FGF13: variants seen among roughly 807,000 people sequenced by gnomAD.
FGF13 encodes fibroblast growth factor 13, also known as fibroblast growth factor homologous factor 2.
Under a neutral mutation model 19.5 loss-of-function variants are expected in FGF13, and 2 were observed. That is an observed-to-expected ratio of 0.10 (90% CI 0.04 to 0.32). The LOEUF (loss-of-function observed/expected upper bound fraction) is 0.32. Ranked by LOEUF, FGF13 falls within the 10% of genes least tolerant of loss-of-function variation. The probability of loss-of-function intolerance (pLI) is 1.00; values close to 1 mark genes in which losing one functional copy is unlikely to be tolerated. For synonymous variants in FGF13, 72 were observed against 76.9 expected, an observed-to-expected ratio of 0.94 and a Z score of 0.33; for missense variants, 113 against 192.7, an observed-to-expected ratio of 0.59 and a Z score of 2.45.
chrX:138,899,216 A>C (rs2091519403), intron 1 of FGF13, among the ~76,000 whole-genome samples: 1 of 111,695 alleles, frequency 9.0e-6, no homozygotes, highest in African/African-American at 3.3e-5. Context: ...GTTGGGTTAT[A>C]AGAACATGTA....
intron 1 of FGF13, among the ~76,000 whole-genome samples, chrX:139,155,742 T>C (rs1489807178): frequency 8.9e-6 from 1 of 111,907 alleles, no homozygotes; most frequent in African/African-American, 3.3e-5. Context: ...AGATGCCTAG[T>C]GAACTGACGG....
At chrX:139,138,926 CTTTTTT>C (rs758384021) in intron 1 of FGF13, among the ~76,000 whole-genome samples, 1 of 85,553 alleles carries the variant, frequency 1.2e-5, no homozygotes, top group African/African-American at 4.5e-5. Context: ...TGTTATTTAT[CTTTTTT>C]TTTTTTTTTT....
At chrX:138,913,961 G>A (rs902567110) in intron 1 of FGF13, among the ~76,000 whole-genome samples, 1 of 109,948 alleles carries the variant, frequency 9.1e-6, no homozygotes, top group Non-Finnish European at 1.9e-5. Flanking sequence ...GCTTGAACCA[G>A]GTGAGCTAAT....
chrX:138,657,511 G>C (rs1205170337), intron 3 of FGF13, among the ~76,000 whole-genome samples: 1 of 112,087 alleles, frequency 8.9e-6, no homozygotes, highest in Non-Finnish European at 1.9e-5. Flanking sequence ...CAAGCCACAT[G>C]GGTATGCATA....
chrX:138,714,561 C>T (rs1160458018), upstream of FGF13, among the ~76,000 whole-genome samples: 1 of 111,320 alleles, frequency 9.0e-6, no homozygotes, highest in Non-Finnish European at 1.9e-5. Flanking sequence ...ATGAGAATCG[C>T]TTGAACCCGG....
chrX:138,711,101 C>T lies in FGF13; in HGVS notation c.-98G>A, dbSNP rs1384924880. The T allele has an allele frequency of 6.1e-6, 7 of 1,154,039 alleles. No individual in the cohort carries two copies. Among genetic ancestry groups the T allele is most frequent in the Non-Finnish European group, 8.0e-6 (7 of 871,627 alleles). On this transcript the variant is annotated 5_prime_UTR_variant, in exon 1 of 5. Coordinates refer to ENST00000315930, the MANE Select transcript of FGF13 (RefSeq NM_004114.5). ...CTGCTTGTCCGCTGTCTCGCGACTT[C>T]GCCGCTTTGGTCTCCTTAGCCTGCG... is the stretch of plus-strand genomic sequence containing the variant.
intron 3 of FGF13, among the ~76,000 whole-genome samples, chrX:138,756,324 T>C (rs2090431199): frequency 8.9e-6 from 1 of 112,074 alleles, no homozygotes; most frequent in African/African-American, 3.2e-5. Flanking sequence ...TCTCCAGCTG[T>C]CCAGTCAAAT....
intron 1 of FGF13, among the ~76,000 whole-genome samples, chrX:139,098,134 A>C (rs1045549057): frequency 2.7e-5 from 3 of 111,678 alleles, no homozygotes; most frequent in African/African-American, 9.8e-5. Context: ...GAGGGAGAAA[A>C]GGGTGTGAAA....
intron 3 of FGF13, among the ~76,000 whole-genome samples, chrX:138,811,433 C>G (rs867843044): frequency 9.1e-6 from 1 of 109,518 alleles, no homozygotes; most frequent in Non-Finnish European, 1.9e-5. Flanking sequence ...CATCACAAAC[C>G]GGGGCCTGTT....
At chrX:138,701,462 A>G (rs1011024637) in intron 3 of FGF13, among the ~76,000 whole-genome samples, 2 of 112,339 alleles carry the variant, frequency 1.8e-5, no homozygotes, top group African/African-American at 3.2e-5. Context: ...CTCTAGTAAT[A>G]AAATGACGTA....
intron 3 of FGF13, among the ~76,000 whole-genome samples, chrX:138,826,824 G>A (rs2091037619): frequency 8.9e-6 from 1 of 112,205 alleles, no homozygotes; most frequent in Non-Finnish European, 1.9e-5. Flanking sequence ...GTAATAAAGT[G>A]GCATTTACTT....
chrX:139,059,565 C>T (rs1343437568), intron 1 of FGF13, among the ~76,000 whole-genome samples: 1 of 111,720 alleles, frequency 9.0e-6, no homozygotes, highest in Admixed American at 9.5e-5. Context: ...AGAGAACTTT[C>T]CTCGGTTTTG....
intron 1 of FGF13, among the ~76,000 whole-genome samples, chrX:138,976,251 A>G (rs771719799): frequency 2.5e-4 from 28 of 111,887 alleles, no homozygotes; most frequent in African/African-American, 9.1e-4. Context: ...TATTTTAAAG[A>G]ATATTTTTTA....
intron 1 of FGF13, among the ~76,000 whole-genome samples, chrX:139,188,441 G>A (rs2084298689): frequency 9.0e-6 from 1 of 111,709 alleles, no homozygotes; most frequent in Non-Finnish European, 1.9e-5. Context: ...GAAGTTAGGG[G>A]GCATGAAAAC....
At chrX:138,969,826 C>T (rs1197898806) in intron 1 of FGF13, among the ~76,000 whole-genome samples, 1 of 111,739 alleles carries the variant, frequency 8.9e-6, no homozygotes, top group Non-Finnish European at 1.9e-5. Flanking sequence ...CAGCCATTGT[C>T]GTTTGTTGGC....
At chrX:138,987,807 T>G (rs759038768) in intron 1 of FGF13, among the ~76,000 whole-genome samples, 1 of 112,163 alleles carries the variant, frequency 8.9e-6, no homozygotes, top group South Asian at 3.7e-4. Context: ...TACATTTTGA[T>G]GATAAACTAA....
chrX:138,997,241 G>T (rs770656230), intron 1 of FGF13, among the ~76,000 whole-genome samples: 39 of 112,225 alleles, frequency 3.5e-4, no homozygotes, highest in Non-Finnish European at 5.6e-4. Context: ...AGCGCAGAAA[G>T]GCTGAAAATT....
At chrX:138,643,194 T>C (rs189851026) in intron 3 of FGF13, among the ~76,000 whole-genome samples, 1 of 112,013 alleles carries the variant, frequency 8.9e-6, no homozygotes, top group African/African-American at 3.2e-5. Flanking sequence ...CTGGAGTTCA[T>C]TTAGTCCTCT....
At chrX:138,939,342 C>T (rs903430921) in intron 1 of FGF13, among the ~76,000 whole-genome samples, 4 of 112,329 alleles carry the variant, frequency 3.6e-5, no homozygotes, top group Middle Eastern at 4.6e-3. Flanking sequence ...TAAGACAACA[C>T]AAATATTGCT....
Sources: allele counts gnomAD v4.1 joint callset (sites outside exome capture counted in the v4.1 genomes callset), GRCh38; gene constraint gnomAD v4.1.1; transcripts MANE v1.5; gene names NCBI Gene and HGNC (gene_info 2026-07-23, HGNC 2026-07-21).